Variants in GALNT13 observed in about 807,000 individuals in gnomAD.
GALNT13 encodes polypeptide N-acetylgalactosaminyltransferase 13, also known as UDP-GalNAc:polypeptide N-acetylgalactosaminyltransferase 13.
A neutral mutation model predicts 64.2 loss-of-function variants in GALNT13; 28 were observed. The observed-to-expected ratio is 0.44, with a 90% confidence interval of 0.32 to 0.60. GALNT13 has a LOEUF of 0.60. GALNT13 is among the 20% of genes least tolerant of loss of function. The pLI, the probability that GALNT13 is intolerant of heterozygous loss-of-function variation, is 0.05. For missense variants in GALNT13, 577 were observed against 669.8 expected (o/e 0.86, Z 1.53); for synonymous variants, 214 against 224.6 (o/e 0.95, Z 0.42).
chr2:154,171,277 G>C (rs1573802012), intron 4 of GALNT13, among the ~76,000 whole-genome samples: 2 of 152,200 alleles, frequency 1.3e-5, no homozygotes, highest in East Asian at 3.9e-4. Flanking sequence ...AAGGATGGGA[G>C]GGAATTAATA....
intron 4 of GALNT13, among the ~76,000 whole-genome samples, chr2:154,167,493 G>A (rs1170333582): frequency 6.6e-6 from 1 of 152,142 alleles, no homozygotes; most frequent in Non-Finnish European, 1.5e-5. Context: ...CTTTGAACAA[G>A]CTTTTAGGAG....
chr2:153,772,768 GC>G, the GALNT13 span, among the ~76,000 whole-genome samples: 4 of 152,114 alleles, frequency 2.6e-5, no homozygotes, highest in African/African-American at 9.7e-5. Context: ...CACTCCTCTG[GC>G]TTTTATAGGT....
chr2:153,280,317 C>G, the GALNT13 span, among the ~76,000 whole-genome samples: 1 of 152,030 alleles, frequency 6.6e-6, no homozygotes. Context: ...AAAAAACCAA[C>G]TTTTTGGTCA....
intron 9 of GALNT13, among the ~76,000 whole-genome samples, chr2:154,365,196 A>C (rs932726925): frequency 6.6e-6 from 1 of 152,008 alleles, no homozygotes; most frequent in East Asian, 1.9e-4. Flanking sequence ...TATCCTATTC[A>C]CTGAACACCT....
the GALNT13 span, among the ~76,000 whole-genome samples, chr2:153,341,489 C>T: frequency 6.6e-6 from 1 of 152,220 alleles, no homozygotes; most frequent in Non-Finnish European, 1.5e-5. Context: ...AAGTACTAAG[C>T]AAATTCTCCT....
chr2:153,803,824 G>A, the GALNT13 span, among the ~76,000 whole-genome samples: 2 of 152,160 alleles, frequency 1.3e-5, no homozygotes, highest in Non-Finnish European at 2.9e-5. Context: ...CAAGAGAAAA[G>A]GCTTCAGAAT....
the GALNT13 span, among the ~76,000 whole-genome samples, chr2:153,537,198 C>T: frequency 6.6e-6 from 1 of 152,190 alleles, no homozygotes; most frequent in Non-Finnish European, 1.5e-5. Context: ...TATGAAGCTG[C>T]AGAGGCTGTA....
At chr2:153,791,359 G>T in the GALNT13 span, among the ~76,000 whole-genome samples, 22 of 152,146 alleles carry the variant, frequency 1.4e-4, no homozygotes, top group Admixed American at 1.3e-3. Flanking sequence ...TTATTATTAA[G>T]TTGGTGCAAA....
intron 4 of GALNT13, among the ~76,000 whole-genome samples, chr2:154,233,817 G>A (rs1440404374): frequency 6.6e-6 from 1 of 152,096 alleles, no homozygotes; most frequent in Non-Finnish European, 1.5e-5. Flanking sequence ...GTTGTGCTTA[G>A]TAGGAGGGGG....
At chr2:153,935,936 C>A (rs1454581585) in intron 2 of GALNT13, among the ~76,000 whole-genome samples, 1 of 152,172 alleles carries the variant, frequency 6.6e-6, no homozygotes, top group Non-Finnish European at 1.5e-5. Context: ...CTTTACTTCT[C>A]TCCAGTCCTC....
the GALNT13 span, among the ~76,000 whole-genome samples, chr2:153,530,401 C>T: frequency 6.6e-6 from 1 of 152,110 alleles, no homozygotes; most frequent in African/African-American, 2.4e-5. Flanking sequence ...ACATTCCATG[C>T]TCATGGATTA....
the GALNT13 span, among the ~76,000 whole-genome samples, chr2:153,513,553 C>T: frequency 7.4e-3 from 1,128 of 152,266 alleles, 11 homozygotes; most frequent in African/African-American, 0.026. Context: ...AGTTTGGTGC[C>T]TAAGTTTTAG....
Position 154,270,824 on chromosome 2 carries a change from A to G in GALNT13, c.975+11686A>G, listed in dbSNP as rs897601602. Among the ~76,000 whole-genome samples, 6 of 151,980 alleles carry G rather than the reference A, an allele frequency of 3.9e-5. No individual in the cohort carries two copies. The East Asian group carries it at 1.2e-3, about 29-fold the overall frequency. ...CATCCACTAATGCCTTTAAATGGAT[A>G]GTGGGTTTCTTGGGTGCACTAAGAG... On this transcript the variant is annotated intron_variant, in intron 8 of 12. Coordinates refer to ENST00000392825, the MANE Select transcript of GALNT13 (RefSeq NM_052917.4).
At chr2:154,420,191 TA>T (rs1310385692) in intron 11 of GALNT13, among the ~76,000 whole-genome samples, 4 of 152,054 alleles carry the variant, frequency 2.6e-5, no homozygotes, top group Admixed American at 2.0e-4. Flanking sequence ...CAACTTTTCT[TA>T]CTGAAAATGG....
chr2:154,399,188 C>T (rs1699186720), intron 10 of GALNT13, among the ~76,000 whole-genome samples: 1 of 152,020 alleles, frequency 6.6e-6, no homozygotes, highest in African/African-American at 2.4e-5. Flanking sequence ...GTGGCTGAGG[C>T]AGTAGTATGG....
chr2:154,059,941 T>C (rs1252731102), intron 3 of GALNT13, among the ~76,000 whole-genome samples: 1 of 152,158 alleles, frequency 6.6e-6, no homozygotes, highest in Admixed American at 6.5e-5. Flanking sequence ...TTTTGTGTCC[T>C]CCAAAATTCA....
At chr2:153,238,069 A>T in the GALNT13 span, among the ~76,000 whole-genome samples, 1 of 152,030 alleles carries the variant, frequency 6.6e-6, no homozygotes. Flanking sequence ...TTTGATTTGC[A>T]TTCCTCTGAT....
the GALNT13 span, among the ~76,000 whole-genome samples, chr2:153,474,398 ATTGAC>A: frequency 1.8e-4 from 28 of 152,274 alleles, no homozygotes; most frequent in Non-Finnish European, 3.5e-4. Context: ...CAGTAGCAGG[ATTGAC>A]TTGCATCCAG....
the GALNT13 span, among the ~76,000 whole-genome samples, chr2:153,311,261 G>A: frequency 6.6e-6 from 1 of 152,250 alleles, no homozygotes. Flanking sequence ...AAAAACTCAA[G>A]ATTTTAGTGT....
Sources: gnomAD v4.1 joint callset for allele counts (sites outside exome capture counted in the v4.1 genomes callset) on GRCh38, gnomAD v4.1.1 for gene constraint, MANE v1.5 for transcripts, NCBI Gene and HGNC (gene_info 2026-07-23, HGNC 2026-07-21) for gene names.